Variants in KIF13A observed in about 807,000 individuals in gnomAD.
KIF13A encodes the protein kinesin family member 13A.
A neutral mutation model predicts 212.2 loss-of-function variants in KIF13A; 79 were observed. That is an observed-to-expected ratio of 0.37 (90% CI 0.31 to 0.45). The LOEUF (loss-of-function observed/expected upper bound fraction) is 0.45, where lower values mean the gene tolerates loss of function less well. Among genes scored for constraint, KIF13A ranks in the 20% least tolerant of loss-of-function variants. The pLI is 1.00. For missense variants in KIF13A, 1,901 were observed against 2,209.0 expected (o/e 0.86, Z 2.79); for synonymous variants, 789 against 808.6 (o/e 0.98, Z 0.41).
intron 12 of KIF13A, 27 bp downstream of exon 12, chr6:17,833,934 T>C: frequency 1.6e-6 from 2 of 1,213,874 alleles, no homozygotes; most frequent in South Asian, 2.8e-5. Flanking sequence ...AGAATCCCAA[T>C]ATTTTAGGGC....
chr6:17,889,063 GC>G (rs1330597165), intron 3 of KIF13A, among the ~76,000 whole-genome samples: 1 of 152,060 alleles, frequency 6.6e-6, no homozygotes, highest in Non-Finnish European at 1.5e-5. Context: ...CCTCATTGAG[GC>G]CAAATGCTTA....
At chr6:17,870,097 T>C (rs776439353) in intron 4 of KIF13A, among the ~76,000 whole-genome samples, 3 of 152,198 alleles carry the variant, frequency 2.0e-5, no homozygotes, top group East Asian at 1.9e-4. Flanking sequence ...TTATTTACAA[T>C]AGATGTAAAC....
In KIF13A at chr6:17,772,882, T is replaced by TA. The variant is rs889369568; in HGVS notation, c.4324+595dup. Among the ~76,000 whole-genome samples the TA allele has an allele frequency of 1.3e-5, 2 of 152,192 alleles. No individual in the cohort carries two copies. The highest frequency in any genetic ancestry group is 4.8e-5 in the African/African-American group (2 of 41,446). On this transcript the variant is annotated intron_variant, in intron 36 of 38. Transcript: ENST00000259711. This position sits in a 1 kb window ranked among gnomAD's most constrained non-coding sequence, Gnocchi z 4.8. ...CTTCTTCCTTGCTTGTATCATTTCTTACCTTTTTGGCCTCTTTCCTCCCTT... is the reference window on the plus strand; with the variant it reads ...CTTCTTCCTTGCTTGTATCATTTCTTAACCTTTTTGGCCTCTTTCCTCCCTT...
chr6:17,815,778 G>C, intron 17 of KIF13A: 1 of 174,568 alleles, frequency 5.7e-6, no homozygotes, highest in South Asian at 1.2e-4. Context: ...TATTATACTG[G>C]AACAGCTTGT....
rs558868994 is a variant in KIF13A at position 17,786,336 on chromosome 6, C to T, written c.3362-695G>A. Among the ~76,000 whole-genome samples the T allele has an allele frequency of 6.6e-5, 10 of 152,160 alleles. No individual in the cohort carries two copies. The highest frequency in any genetic ancestry group is 1.9e-4 in the East Asian group (1 of 5,190). On this transcript the variant is annotated intron_variant, in intron 27 of 38. Transcript: ENST00000259711. This position sits in a 1 kb window ranked among gnomAD's most constrained non-coding sequence, Gnocchi z 5.4. ...ACCATAGGCCGGGCACGGTGGCTCA[C>T]GGCTGTAACCCCAGCACTTTTGGAG...
Position 17,850,412 on chromosome 6 carries a change from C to T in KIF13A, c.628G>A (p.Ala210Thr). ...CTTTCTTCGTTCATGTTGGTAGCAG[C>T]TACCGTTCGAGACTTATTTCCCTCA... ...MSEGNKSRTV[A>T]ATNMNEESSR... Residue 210 changes from alanine to threonine, a missense_variant, in exon 8 of 39, where the codon GCT (alanine) becomes ACT (threonine). Coordinates refer to ENST00000259711, the MANE Select transcript of KIF13A (RefSeq NM_022113.6). This position sits in a 1 kb window ranked among gnomAD's most constrained non-coding sequence, Gnocchi z 6.2. 1 of 1,613,846 alleles carries T rather than the reference C, an allele frequency of 6.2e-7. No homozygotes were observed. The highest frequency in any genetic ancestry group is 8.5e-7 in the Non-Finnish European group (1 of 1,179,842).
At chr6:17,944,156 C>T (rs917259520) in intron 2 of KIF13A, among the ~76,000 whole-genome samples, 1 of 152,096 alleles carries the variant, frequency 6.6e-6, no homozygotes, top group Non-Finnish European at 1.5e-5. Flanking sequence ...TGAGCCTTAC[C>T]GCCTTTACCG....
At chr6:17,929,308 T>G (rs1374643648) in intron 2 of KIF13A, among the ~76,000 whole-genome samples, 1 of 152,128 alleles carries the variant, frequency 6.6e-6, no homozygotes, top group South Asian at 2.1e-4. Flanking sequence ...GGCGCCATCA[T>G]AGCTCATTGC....
Position 17,783,066 on chromosome 6 carries a change from C to G in KIF13A, c.3544+580G>C, listed in dbSNP as rs1054361001. Among the ~76,000 whole-genome samples the G allele has an allele frequency of 5.3e-5, 8 of 152,202 alleles. No individual in the cohort carries two copies. The highest frequency in any genetic ancestry group is 2.1e-4 in the South Asian group (1 of 4,834). ...GTTTTCAGGCTGTGTTTTGAGGAGC[C>G]CTAGGGCCCTGCCAAAGGATCTACC... On this transcript the variant is annotated intron_variant, in intron 29 of 38. Transcript: ENST00000259711. This position sits in a 1 kb window ranked among gnomAD's most constrained non-coding sequence, Gnocchi z 4.3.
At chr6:17,781,521 T>TA (rs1223306338) in intron 29 of KIF13A, among the ~76,000 whole-genome samples, 1 of 152,088 alleles carries the variant, frequency 6.6e-6, no homozygotes, top group Non-Finnish European at 1.5e-5. Context: ...GATGAGGTCT[T>TA]ACTATGTTGT....
intron 2 of KIF13A, among the ~76,000 whole-genome samples, chr6:17,983,648 C>T (rs1053457080): frequency 6.6e-6 from 1 of 151,954 alleles, no homozygotes; most frequent in Non-Finnish European, 1.5e-5. Flanking sequence ...ATGTACCACT[C>T]GGCTAATTTT....
At chr6:17,858,459 T>C (rs1047302877) in intron 4 of KIF13A, among the ~76,000 whole-genome samples, 3 of 152,238 alleles carry the variant, frequency 2.0e-5, no homozygotes, top group South Asian at 2.1e-4. Context: ...TCAAGTATGA[T>C]AGTCTTGTGC....
chr6:17,924,604 C>A (rs918551818), intron 2 of KIF13A, among the ~76,000 whole-genome samples: 16 of 152,146 alleles, frequency 1.1e-4, no homozygotes, highest in Admixed American at 2.0e-4. Context: ...TTAAAGCTTA[C>A]ATTTATATTG....
chr6:17,881,458 AG>A, intron 3 of KIF13A: 3 of 424,318 alleles, frequency 7.1e-6, no homozygotes, highest in African/African-American at 2.1e-5. Context: ...AAAAAAAAAA[AG>A]GCCAGGCACA....
At position 17,968,809 on chromosome 6, in the gene KIF13A, T is replaced by C. The variant is rs953742595; in HGVS notation, c.146+18245A>G. On this transcript the variant is annotated intron_variant, in intron 2 of 38. Transcript: ENST00000259711. This position sits in a 1 kb window ranked among gnomAD's most constrained non-coding sequence, Gnocchi z 4.7. ...CCACATGACAGCACAAAGGCTATCA[T>C]TATGTAACAATTTAATGCAGAAATT... Among the ~76,000 whole-genome samples, 1 of 152,090 alleles carries C rather than the reference T, an allele frequency of 6.6e-6. No individual in the cohort carries two copies. Among genetic ancestry groups the C allele is most frequent in the East Asian group, 1.9e-4 (1 of 5,194 alleles).
At chr6:17,881,909 A>T (rs7757737) in intron 3 of KIF13A, 323,308 of 418,868 alleles carry the variant, frequency 0.77, 126,041 homozygotes, top group South Asian at 0.84. Context: ...GGCATGAGAA[A>T]TGCTTGAACC....
At chr6:17,836,812 A>C in intron 11 of KIF13A, 66 bp downstream of exon 11, 2 of 1,410,638 alleles carry the variant, frequency 1.4e-6, no homozygotes, top group Non-Finnish European at 2.0e-6. Flanking sequence ...AAATGAGCAC[A>C]CCCTTGCCAG....
chr6:17,971,274 A>G lies in KIF13A; in HGVS notation c.146+15780T>C, dbSNP rs1183226431. ...CATAGCTATGGTGGTATTTCCATCA[A>G]TTTCCAGGAAAAGAGATAATTAATG... On this transcript the variant is annotated intron_variant, in intron 2 of 38. Coordinates refer to ENST00000259711, the MANE Select transcript of KIF13A (RefSeq NM_022113.6). This position sits in a 1 kb window ranked among gnomAD's most constrained non-coding sequence, Gnocchi z 4.2. 3.9e-5 allele frequency among the ~76,000 whole-genome samples: 6 copies of G among 152,324 alleles called. No homozygotes were observed. Among genetic ancestry groups the G allele is most frequent in the Non-Finnish European group, 8.8e-5 (6 of 68,018 alleles).
chr6:17,854,340 G>A (rs1165354264), intron 6 of KIF13A, among the ~76,000 whole-genome samples: 1 of 152,042 alleles, frequency 6.6e-6, no homozygotes, highest in East Asian at 1.9e-4. Flanking sequence ...GTTTCACCAT[G>A]TTGACCAGGC....
Sources: allele counts gnomAD v4.1 joint callset (sites outside exome capture counted in the v4.1 genomes callset), GRCh38; gene constraint gnomAD v4.1.1; non-coding constraint Gnocchi (gnomAD v3.1); transcripts MANE v1.5; gene names NCBI Gene and HGNC (gene_info 2026-07-23, HGNC 2026-07-21).